The following DNM3 variants were observed in gnomAD, a reference collection of about 807,000 sequenced individuals.
DNM3 encodes the protein dynamin-3.
In DNM3, 47 loss-of-function variants were observed where a neutral mutation model predicts 101.6. That is an observed-to-expected ratio of 0.46 (90% CI 0.37 to 0.59). DNM3 has a LOEUF of 0.59. Ranked by LOEUF, DNM3 falls within the 20% of genes least tolerant of loss-of-function variation. DNM3 has a pLI of 0.00. For synonymous variants in DNM3, 385 were observed against 387.9 expected (o/e 0.99, Z 0.09); for missense variants, 849 against 1,085.7 (o/e 0.78, Z 3.06).
At chr1:172,017,913 CCTT>C (rs2047555591) in intron 4 of DNM3, among the ~76,000 whole-genome samples, 1 of 152,060 alleles carries the variant, frequency 6.6e-6, no homozygotes, top group Non-Finnish European at 1.5e-5. Flanking sequence ...AATTGTTATG[CCTT>C]CTTAGAGAAA....
intron 4 of DNM3, among the ~76,000 whole-genome samples, chr1:172,026,296 T>C (rs865798733): frequency 6.6e-6 from 1 of 151,866 alleles, no homozygotes; most frequent in Admixed American, 6.6e-5. Context: ...CTCCAAGAAA[T>C]ATGGGGCTAT....
At chr1:172,126,711 G>T (rs2148048231) in intron 13 of DNM3, among the ~76,000 whole-genome samples, 1 of 151,552 alleles carries the variant, frequency 6.6e-6, no homozygotes, top group South Asian at 2.1e-4. Flanking sequence ...CGTTTACACG[G>T]TACCTGCTTT....
At chr1:172,316,926 T>C (rs1393422954) in intron 16 of DNM3, among the ~76,000 whole-genome samples, 3 of 151,904 alleles carry the variant, frequency 2.0e-5, no homozygotes, top group Admixed American at 6.6e-5. Flanking sequence ...CCCAAATCAA[T>C]AGAATATACA....
chr1:172,163,995 T>A, intron 14 of DNM3, among the ~76,000 whole-genome samples: 1 of 150,220 alleles, frequency 6.7e-6, no homozygotes, highest in East Asian at 2.0e-4. Context: ...ACATCTCACA[T>A]TTTTTTTTAT....
intron 15 of DNM3, among the ~76,000 whole-genome samples, chr1:172,276,252 A>G (rs1403731984): frequency 6.6e-6 from 1 of 151,978 alleles, no homozygotes; most frequent in African/African-American, 2.4e-5. Flanking sequence ...GGGCAAAAAG[A>G]AACAAATGGT....
chr1:172,398,956 T>A (rs746746461), intron 20 of DNM3, among the ~76,000 whole-genome samples: 6 of 152,182 alleles, frequency 3.9e-5, no homozygotes, highest in Non-Finnish European at 8.8e-5. Context: ...TTCCTTCATG[T>A]TAAGTAATTC....
intron 14 of DNM3, among the ~76,000 whole-genome samples, chr1:172,219,292 G>A (rs747062854): frequency 7.4e-5 from 11 of 147,946 alleles, no homozygotes; most frequent in Admixed American, 1.4e-4. Flanking sequence ...AACCCCGAAG[G>A]TCAAGGCTGC....
intron 1 of DNM3, among the ~76,000 whole-genome samples, chr1:171,865,809 C>T (rs2034686566): frequency 6.6e-6 from 1 of 152,186 alleles, no homozygotes; most frequent in Non-Finnish European, 1.5e-5. Flanking sequence ...CTTCCTTTCT[C>T]TGTGATCTCA....
chr1:172,288,224 T>C (rs546305126), intron 15 of DNM3, among the ~76,000 whole-genome samples: 1 of 152,312 alleles, frequency 6.6e-6, no homozygotes, highest in East Asian at 1.9e-4. Flanking sequence ...TATAATACAG[T>C]GACCTGTCCA....
Position 171,841,537 on chromosome 1 carries a change from C to A in DNM3, c.-120C>A. The A allele has an allele frequency of 1.4e-6, 2 of 1,382,564 alleles. No homozygotes were observed. Among genetic ancestry groups the A allele is most frequent in the Non-Finnish European group, 1.9e-6 (2 of 1,048,338 alleles). The allele number at this position is 1,382,564 out of a possible 1,614,324, so 85.6% of individuals were successfully genotyped here. On this transcript the variant is annotated 5_prime_UTR_variant, in exon 1 of 21. Transcript: ENST00000627582. ...GGCTGGCGGCGGGCTCCGACGTCTG[C>A]GCCAGGACCTGGCTGGCTGAGCCCG...
At chr1:172,185,321 C>T (rs775605266) in intron 14 of DNM3, among the ~76,000 whole-genome samples, 13 of 152,092 alleles carry the variant, frequency 8.5e-5, no homozygotes, top group Non-Finnish European at 1.6e-4. Flanking sequence ...TTTATTCTCT[C>T]ACTGGGGAGT....
At position 172,359,237 on chromosome 1, in the gene DNM3, C is replaced by G. The variant is rs1019321979; in HGVS notation, c.1894-19781C>G. On this transcript the variant is annotated intron_variant, in intron 17 of 20. Coordinates refer to ENST00000627582, the MANE Select transcript of DNM3 (RefSeq NM_015569.5). ...CTGGCTGTTGTTTTTGGCTTGAGGC[C>G]GCATAGACCAGCCAGCCGTTGTGTA... Among the ~76,000 whole-genome samples the G allele has an allele frequency of 1.5e-4, 23 of 151,814 alleles. 1 individual carries two copies. The highest frequency in any genetic ancestry group is 5.1e-4 in the African/African-American group (21 of 41,330).
rs2039626599 is a variant in DNM3, at chr1:171,915,317, CA to C, written c.162-6430del. Among the ~76,000 whole-genome samples, 3 of 152,286 alleles carry C rather than the reference CA, an allele frequency of 2.0e-5. No individual in the cohort carries two copies. In the South Asian group the frequency reaches 6.2e-4, roughly 32 times the overall value. ...TCTGGTAATGATGTGATAGAACTTA[CA>C]TCACTGTTAAAGTTGGATAGGAGGG... On this transcript the variant is annotated intron_variant, in intron 1 of 20. Coordinates refer to ENST00000627582, the MANE Select transcript of DNM3 (RefSeq NM_015569.5).
At chr1:171,934,590 G>GT (rs1198580188) in intron 2 of DNM3, among the ~76,000 whole-genome samples, 1 of 152,164 alleles carries the variant, frequency 6.6e-6, no homozygotes, top group Non-Finnish European at 1.5e-5. Context: ...TACTAGCCTT[G>GT]TTTTTTACAA....
chr1:172,109,800 T>C (rs2055326459), intron 13 of DNM3, among the ~76,000 whole-genome samples: 1 of 152,234 alleles, frequency 6.6e-6, no homozygotes, highest in African/African-American at 2.4e-5. Context: ...TTACATACTT[T>C]ACTTTATTAA....
chr1:172,229,568 G>C (rs2061256298), intron 14 of DNM3, among the ~76,000 whole-genome samples: 1 of 152,034 alleles, frequency 6.6e-6, no homozygotes, highest in Non-Finnish European at 1.5e-5. Context: ...ATAATCATTA[G>C]ATCTATCCTA....
At chr1:172,235,450 G>T (rs2061502921) in intron 14 of DNM3, among the ~76,000 whole-genome samples, 1 of 152,146 alleles carries the variant, frequency 6.6e-6, no homozygotes, top group African/African-American at 2.4e-5. Flanking sequence ...GATTCCTCAG[G>T]ATCTAGAACT....
chr1:171,882,942 T>A (rs2036414824), intron 1 of DNM3, among the ~76,000 whole-genome samples: 2 of 151,956 alleles, frequency 1.3e-5, no homozygotes, highest in Non-Finnish European at 2.9e-5. Context: ...ATAAAATCAG[T>A]TACAAAATTG....
intron 14 of DNM3, among the ~76,000 whole-genome samples, chr1:172,184,640 C>A (rs1312283935): frequency 6.6e-6 from 1 of 152,000 alleles, no homozygotes; most frequent in Non-Finnish European, 1.5e-5. Context: ...ATATTGTCTA[C>A]TTTAAAAGAC....
Sources: allele counts gnomAD v4.1 joint callset (sites outside exome capture counted in the v4.1 genomes callset), GRCh38; gene constraint gnomAD v4.1.1; transcripts MANE v1.5; gene names NCBI Gene and HGNC (gene_info 2026-07-23, HGNC 2026-07-21).